FRY: variants seen among roughly 807,000 people sequenced by gnomAD.
The protein encoded by FRY is protein furry homolog.
FRY carries 128 observed loss-of-function variants against 348.4 expected under a neutral mutation model. That is an observed-to-expected ratio of 0.37 (90% confidence interval 0.32 to 0.43). The LOEUF (loss-of-function observed/expected upper bound fraction) is 0.43, where lower values mean the gene tolerates loss of function less well. Ranked by LOEUF, FRY falls within the 20% of genes least tolerant of loss-of-function variation. The probability of loss-of-function intolerance (pLI) is 1.00; values close to 1 mark genes in which losing one functional copy is unlikely to be tolerated. For missense variants in FRY, 2,736 were observed against 3,695.2 expected, an observed-to-expected ratio of 0.74 and a Z score of 6.73; for synonymous variants, 1,370 against 1,374.7, an observed-to-expected ratio of 1.00 and a Z score of 0.08.
At chr13:32,209,153 T>C in intron 32 of FRY, 44 bp downstream of exon 32, 1 of 1,611,616 alleles carries the variant, frequency 6.2e-7, no homozygotes, top group Non-Finnish European at 8.5e-7. Context: ...GGCTCCATCA[T>C]CAGAAAAAAA....
intron 55 of FRY, among the ~76,000 whole-genome samples, chr13:32,273,786 CTCTTT>C (rs1206490560): frequency 4.6e-5 from 7 of 152,138 alleles, no homozygotes. Context: ...TTGAAGTAAT[CTCTTT>C]TCACCAGTCT....
intron 1 of FRY, among the ~76,000 whole-genome samples, chr13:32,071,709 G>T (rs1233598924): frequency 6.6e-6 from 1 of 152,064 alleles, no homozygotes; most frequent in Non-Finnish European, 1.5e-5. Flanking sequence ...GTAGAATGGT[G>T]GTTGCCTGGG....
At chr13:32,211,740 A>G (rs1884698881) in intron 34 of FRY, among the ~76,000 whole-genome samples, 1 of 152,158 alleles carries the variant, frequency 6.6e-6, no homozygotes, top group African/African-American at 2.4e-5. Flanking sequence ...TTCATGAAAT[A>G]TATGCCATCC....
rs775590185 is a variant in FRY at position 32,147,905 on chromosome 13, G to A, written c.1350G>A (p.Met450Ile). The A allele has an allele frequency of 1.9e-6, 3 of 1,609,836 alleles. No individual in the cohort carries two copies. Among genetic ancestry groups the A allele is most frequent in the Non-Finnish European group, 2.6e-6 (3 of 1,176,046 alleles). Residue 450 changes from methionine to isoleucine, a missense_variant, in exon 13 of 61, where the codon ATG (methionine) becomes ATA (isoleucine). By Grantham distance (10) the Met-to-Ile change is conservative. This residue lies in a region of FRY where 191 missense variants were observed against 370.2 expected (regional missense o/e 0.52). Transcript: ENST00000542859. Reference protein sequence around the residue: ...KGSRGVVPRDMPLNIFVKIIQ... With the variant: ...KGSRGVVPRDIPLNIFVKIIQ... ...CCCGCGGTGTGGTACCAAGGGACAT[G>A]CCTCTGAACATCTTTGTGAAAATCA...
chr13:32,203,151 TTATATA>T (rs1377461870), intron 31 of FRY, among the ~76,000 whole-genome samples: 1 of 152,286 alleles, frequency 6.6e-6, no homozygotes, highest in East Asian at 1.9e-4. Context: ...TCTGCATACA[TTATATA>T]TATAAATTTC....
intron 56 of FRY, among the ~76,000 whole-genome samples, chr13:32,276,090 A>G (rs1888521914): frequency 6.6e-6 from 1 of 152,222 alleles, no homozygotes; most frequent in African/African-American, 2.4e-5. Flanking sequence ...TAAATACAAA[A>G]TAAGTTTGAA....
chr13:32,239,946 CTT>C lies in FRY; in HGVS notation c.6687+66_6687+67del, dbSNP rs1886415871. On this transcript the variant is annotated intron_variant, in intron 46 of 60. Transcript: ENST00000542859. This position sits in a 1 kb window ranked among gnomAD's most constrained non-coding sequence, Gnocchi z 4.3. Reference sequence around the variant, plus strand: ...TATGTTGCCCAGGCTGATCTCAACTCTTGGGCTCAAGCAGTCCTCCTGCCTTC... The same window carrying C: ...TATGTTGCCCAGGCTGATCTCAACTCGGGCTCAAGCAGTCCTCCTGCCTTC... 24 of 1,435,520 alleles carry C rather than the reference CTT, an allele frequency of 1.7e-5. No homozygotes were observed. In the South Asian group the frequency reaches 2.7e-4, roughly 16 times the overall value. The allele number at this position is 1,435,520 out of a possible 1,614,324, so 88.9% of individuals were successfully genotyped here.
chr13:32,117,034 A>G (rs946673991), intron 3 of FRY, among the ~76,000 whole-genome samples: 5 of 152,204 alleles, frequency 3.3e-5, no homozygotes, highest in African/African-American at 1.2e-4. Context: ...GAACGTGGGA[A>G]CATAATATCT....
chr13:32,054,804 G>T (rs1419668442), intron 1 of FRY, among the ~76,000 whole-genome samples: 1 of 152,158 alleles, frequency 6.6e-6, no homozygotes, highest in Non-Finnish European at 1.5e-5. Context: ...GAACCCGAGT[G>T]GCGGAGCTTG....
chr13:32,143,402 C>T (rs1880205500), intron 11 of FRY, among the ~76,000 whole-genome samples: 1 of 152,070 alleles, frequency 6.6e-6, no homozygotes, highest in South Asian at 2.1e-4. Flanking sequence ...CTTTTCAGTG[C>T]ATATGGAAGC....
Position 32,224,257 on chromosome 13 carries a change from G to A in FRY, c.4788G>A (p.Thr1596=), listed in dbSNP as rs530666616. ...CAGATGATCCAATTTCTCCCTACAC[G>A]GGCTGGTTGCTGACTATTACAGAGA... ...EDKNDPISPY[T]GWLLTITETK... The change falls in exon 37 of 61, where the codon ACG becomes ACA. Residue 1596 remains threonine (T), a synonymous_variant. Coordinates refer to ENST00000542859, the MANE Select transcript of FRY (RefSeq NM_023037.3). 6.6e-5 allele frequency: 106 copies of A among 1,613,778 alleles called. No homozygotes were observed. Among genetic ancestry groups the A allele is most frequent in the Non-Finnish European group, 8.7e-5 (103 of 1,179,956 alleles).
chr13:32,065,066 A>G (rs1231028085), intron 1 of FRY, among the ~76,000 whole-genome samples: 1 of 152,208 alleles, frequency 6.6e-6, no homozygotes, highest in Non-Finnish European at 1.5e-5. Flanking sequence ...TCTTTAATAT[A>G]GTAATTTATT....
intron 2 of FRY, among the ~76,000 whole-genome samples, chr13:32,089,886 G>T (rs1434611776): frequency 1.3e-5 from 2 of 152,170 alleles, no homozygotes; most frequent in African/African-American, 2.4e-5. Flanking sequence ...ATGAAAAATG[G>T]CCACCAGATT....
chr13:32,189,670 T>C (rs1883219241), intron 28 of FRY, among the ~76,000 whole-genome samples: 1 of 151,950 alleles, frequency 6.6e-6, no homozygotes, highest in South Asian at 2.1e-4. Flanking sequence ...AAAAGAAGAC[T>C]ATAAAACCAG....
rs1357090370 is a variant in FRY at position 32,261,782 on chromosome 13, T to C, written c.7583T>C (p.Leu2528Pro). ...GATGAATCATCCGAGGAGGAGGACCTCACAGCCAGCCAGATCCTGGAGCAC... is the reference window on the plus strand; with the variant it reads ...GATGAATCATCCGAGGAGGAGGACCCCACAGCCAGCCAGATCCTGGAGCAC... ...DSDESSEEED[L>P]TASQILEHSD... The change falls in exon 52 of 61, where the codon CTC (leucine) becomes CCC (proline). Residue 2528 changes from leucine to proline, a missense_variant. Physicochemically the swap from Leu to Pro is moderately conservative, Grantham distance 98. This residue lies in a region of FRY where 789 missense variants were observed against 996.2 expected (regional missense o/e 0.79). Transcript: ENST00000542859. 1.9e-6 allele frequency: 3 copies of C among 1,614,182 alleles called. No homozygotes were observed. Among genetic ancestry groups the C allele is most frequent in the Non-Finnish European group, 1.7e-6 (2 of 1,180,034 alleles).
At chr13:32,204,085 A>G (rs754168257) in intron 31 of FRY, among the ~76,000 whole-genome samples, 12 of 152,340 alleles carry the variant, frequency 7.9e-5, no homozygotes, top group Non-Finnish European at 1.2e-4. Context: ...TAATATTTAT[A>G]AACCCTGGTA....
chr13:32,235,772 A>G (rs1337894282), intron 42 of FRY, among the ~76,000 whole-genome samples: 1 of 152,168 alleles, frequency 6.6e-6, no homozygotes, highest in African/African-American at 2.4e-5. Flanking sequence ...GCTTTCAGAC[A>G]TTGCCACTCT....
chr13:32,059,193 A>G (rs1046089548), intron 1 of FRY, among the ~76,000 whole-genome samples: 27 of 151,954 alleles, frequency 1.8e-4, no homozygotes, highest in African/African-American at 6.0e-4. Context: ...TCATATTCCT[A>G]CAAGGCTGTT....
chr13:32,097,362 C>CTTTTT (rs34054013), intron 2 of FRY, among the ~76,000 whole-genome samples: 4 of 126,492 alleles, frequency 3.2e-5, no homozygotes, highest in African/African-American at 1.2e-4. Context: ...CCTTTTTTTC[C>CTTTTT]TTTTTTTTTT....
Sources: allele counts gnomAD v4.1 joint callset (sites outside exome capture counted in the v4.1 genomes callset), GRCh38; gene constraint gnomAD v4.1.1; regional missense constraint gnomAD v4.1.1; non-coding constraint Gnocchi (gnomAD v3.1); transcripts MANE v1.5; gene names NCBI Gene and HGNC (gene_info 2026-07-23, HGNC 2026-07-21).